FRAS1: variants seen among roughly 807,000 people sequenced by gnomAD.
FRAS1 encodes extracellular matrix organizing protein FRAS1.
FRAS1 carries 290 observed loss-of-function variants against 435.2 expected under a neutral mutation model. That is an observed-to-expected ratio of 0.67 (90% CI 0.61 to 0.73). The LOEUF is 0.73. Among genes scored for constraint, FRAS1 ranks in the 30% least tolerant of loss-of-function variants. The pLI, the probability that FRAS1 is intolerant of heterozygous loss-of-function variation, is 0.00. For missense variants in FRAS1, 4,860 were observed against 5,001.5 expected (o/e 0.97, Z 0.85); for synonymous variants, 1,800 against 1,851.0 (o/e 0.97, Z 0.71).
At chr4:78,401,812 T>C (rs1578300652) in intron 30 of FRAS1, among the ~76,000 whole-genome samples, 2 of 93,256 alleles carry the variant, frequency 2.1e-5, no homozygotes, top group South Asian at 3.1e-4. Flanking sequence ...GTGTCTTGTC[T>C]AAGAAACCTG....
intron 2 of FRAS1, among the ~76,000 whole-genome samples, chr4:78,154,106 T>A (rs529419763): frequency 2.0e-5 from 3 of 152,270 alleles, no homozygotes; most frequent in Non-Finnish European, 4.4e-5. Context: ...ATTTATAGTT[T>A]TTTTTTTCTT....
intron 20 of FRAS1, among the ~76,000 whole-genome samples, chr4:78,361,295 G>A (rs1731062684): frequency 6.6e-6 from 1 of 152,224 alleles, no homozygotes; most frequent in Non-Finnish European, 1.5e-5. Context: ...TCTGGGGAAA[G>A]TAGTCTCCTT....
chr4:78,476,975 A>T (rs933887058), intron 54 of FRAS1, among the ~76,000 whole-genome samples: 4 of 105,216 alleles, frequency 3.8e-5, no homozygotes, highest in African/African-American at 1.1e-4. Context: ...GAAGATTTTT[A>T]ATTTCTTTCT....
At chr4:78,407,616 AC>A (rs769156680) in intron 30 of FRAS1, 46 bp from the exon 31 acceptor site, 4 of 1,510,318 alleles carry the variant, frequency 2.6e-6, no homozygotes, top group Non-Finnish European at 2.7e-6. Flanking sequence ...AAGGGCTCTG[AC>A]TTTTCCTAGG....
chr4:78,336,683 C>G (rs1159313696), intron 19 of FRAS1, among the ~76,000 whole-genome samples: 1 of 151,998 alleles, frequency 6.6e-6, no homozygotes, highest in Non-Finnish European at 1.5e-5. Context: ...CTCTTGGCCT[C>G]TTGCCAGAAT....
At chr4:78,181,702 T>C (rs144465973) in intron 2 of FRAS1, 252 of 1,609,736 alleles carry the variant, frequency 1.6e-4, no homozygotes, top group African/African-American at 8.9e-4. Flanking sequence ...CCTGAAGTTG[T>C]TGATCAGGTC....
At chr4:78,307,967 A>T in intron 14 of FRAS1, 99 bp from the exon 15 acceptor site, 1 of 1,238,648 alleles carries the variant, frequency 8.1e-7, no homozygotes, top group Non-Finnish European at 1.1e-6. Context: ...TAAGGAACCA[A>T]CTGACATCCT....
intron 18 of FRAS1, chr4:78,319,221 G>A (rs1729401166): frequency 7.3e-6 from 4 of 546,304 alleles, no homozygotes; most frequent in Non-Finnish European, 1.3e-5. Flanking sequence ...CCTTTTCCAA[G>A]GTTCCATTCG....
intron 2 of FRAS1, among the ~76,000 whole-genome samples, chr4:78,194,363 G>A (rs1344649389): frequency 6.6e-6 from 1 of 152,216 alleles, no homozygotes; most frequent in African/African-American, 2.4e-5. Context: ...ATCCTGCAGA[G>A]TGTTTTACAA....
At chr4:78,485,047 A>G (rs1278683536) in intron 58 of FRAS1, among the ~76,000 whole-genome samples, 3 of 152,230 alleles carry the variant, frequency 2.0e-5, no homozygotes, top group Admixed American at 6.5e-5. Context: ...TGAAGTGGAA[A>G]GTGAATACAA....
intron 2 of FRAS1, among the ~76,000 whole-genome samples, chr4:78,093,781 C>T (rs933775412): frequency 3.9e-5 from 6 of 152,186 alleles, no homozygotes; most frequent in Non-Finnish European, 8.8e-5. Context: ...TCCTCTCACT[C>T]CCCTGAGGAC....
intron 34 of FRAS1, among the ~76,000 whole-genome samples, 180 bp downstream of exon 34, chr4:78,422,180 T>TTTCCATTTA (rs1733815693): frequency 6.6e-6 from 1 of 152,050 alleles, no homozygotes; most frequent in African/African-American, 2.4e-5. Context: ...ATCTTTTTTT[T>TTTCCATTTA]TTCCATTTAT....
At chr4:78,445,230 G>A (rs1398343508) in intron 41 of FRAS1, among the ~76,000 whole-genome samples, 3 of 152,150 alleles carry the variant, frequency 2.0e-5, no homozygotes, top group African/African-American at 7.2e-5. Flanking sequence ...AAAACAACCA[G>A]TGGTTCTATG....
At chr4:78,518,446 ATATATATT>A (rs1157350670) in intron 66 of FRAS1, among the ~76,000 whole-genome samples, 8 of 106,896 alleles carry the variant, frequency 7.5e-5, no homozygotes, top group Non-Finnish European at 1.4e-4. Context: ...ATATATATAT[ATATATATT>A]TATTTATTTA....
intron 2 of FRAS1, among the ~76,000 whole-genome samples, chr4:78,178,432 T>G (rs183065688): frequency 3.1e-4 from 47 of 152,320 alleles, no homozygotes; most frequent in Non-Finnish European, 1.5e-4. Flanking sequence ...AGTAGTGATA[T>G]CTCACATATA....
intron 2 of FRAS1, among the ~76,000 whole-genome samples, chr4:78,114,835 T>A (rs1334950325): frequency 5.3e-5 from 8 of 152,254 alleles, no homozygotes; most frequent in Non-Finnish European, 1.0e-4. Context: ...TTCTCCTGCC[T>A]GATTGCCCTG....
chr4:78,397,559 G>T (rs1732719194), intron 29 of FRAS1, among the ~76,000 whole-genome samples: 1 of 152,132 alleles, frequency 6.6e-6, no homozygotes, highest in African/African-American at 2.4e-5. Flanking sequence ...GTACTTGTTA[G>T]CTAGTGTGTG....
chr4:78,415,547 A>G (rs1733521170), intron 32 of FRAS1, among the ~76,000 whole-genome samples: 1 of 152,172 alleles, frequency 6.6e-6, no homozygotes, highest in African/African-American at 2.4e-5. Context: ...ATTGATCCAG[A>G]CTAAACTGGG....
intron 18 of FRAS1, among the ~76,000 whole-genome samples, chr4:78,324,708 C>CTTTTTTTTTTTTTTTTTTTT (rs139942839): frequency 1.1e-5 from 1 of 88,122 alleles, no homozygotes; most frequent in African/African-American, 4.3e-5. Context: ...GCTCAGATTC[C>CTTTTTTTTTTTTTTTTTTTT]TTTTTTTTTT....
Sources: gnomAD v4.1 joint callset for allele counts (sites outside exome capture counted in the v4.1 genomes callset) on GRCh38, gnomAD v4.1.1 for gene constraint, MANE v1.5 for transcripts, NCBI Gene and HGNC (gene_info 2026-07-23, HGNC 2026-07-21) for gene names.